ADAMTSL3: variants seen among roughly 807,000 people sequenced by gnomAD.
ADAMTSL3 encodes ADAMTS like 3, also known as ADAMTS-like protein 3.
ADAMTSL3 carries 128 observed loss-of-function variants against 201.7 expected under a neutral mutation model. The ratio of observed to expected loss-of-function variants is 0.63; its 90% CI spans 0.55 to 0.73. The LOEUF (loss-of-function observed/expected upper bound fraction) is 0.73, where lower values mean the gene tolerates loss of function less well. Among genes scored for constraint, ADAMTSL3 ranks in the 30% least tolerant of loss-of-function variants. The pLI is 0.00. For missense variants in ADAMTSL3, 1,990 were observed against 2,119.6 expected (o/e 0.94, Z 1.20); for synonymous variants, 738 against 748.4 (o/e 0.99, Z 0.23).
At chr15:83,759,356 G>A (rs1315779091) in intron 3 of ADAMTSL3, among the ~76,000 whole-genome samples, 1 of 151,942 alleles carries the variant, frequency 6.6e-6, no homozygotes, top group Non-Finnish European at 1.5e-5. Context: ...CTCCCGAGTA[G>A]CTGGGACTAC....
At chr15:83,750,209 A>G (rs1294038545) in intron 3 of ADAMTSL3, among the ~76,000 whole-genome samples, 1 of 152,212 alleles carries the variant, frequency 6.6e-6, no homozygotes, top group Non-Finnish European at 1.5e-5. Context: ...TTAATCAATT[A>G]CAGTATATCT....
At chr15:83,956,615 G>A (rs773400591) in intron 19 of ADAMTSL3, among the ~76,000 whole-genome samples, 6 of 151,930 alleles carry the variant, frequency 3.9e-5, no homozygotes, top group Admixed American at 1.3e-4. Context: ...TATGCCCAGT[G>A]GATTCAAATT....
At chr15:83,820,832 T>C (rs1413971628) in intron 6 of ADAMTSL3, among the ~76,000 whole-genome samples, 1 of 152,146 alleles carries the variant, frequency 6.6e-6, no homozygotes, top group Non-Finnish European at 1.5e-5. Context: ...CCCAGCACTT[T>C]GGGAGGCCGA....
At chr15:83,910,246 A>C (rs2065907174) in intron 15 of ADAMTSL3, among the ~76,000 whole-genome samples, 1 of 152,078 alleles carries the variant, frequency 6.6e-6, no homozygotes, top group Non-Finnish European at 1.5e-5. Context: ...TTCCATGTGC[A>C]AAGACGTAGG....
intron 26 of ADAMTSL3, among the ~76,000 whole-genome samples, chr15:84,023,213 C>G (rs771693867): frequency 2.6e-5 from 4 of 152,216 alleles, no homozygotes; most frequent in Non-Finnish European, 5.9e-5. Flanking sequence ...GATTACAACA[C>G]AGACCCTAGC....
intron 23 of ADAMTSL3, among the ~76,000 whole-genome samples, chr15:83,992,547 C>T (rs2067600322): frequency 6.6e-6 from 1 of 152,228 alleles, no homozygotes. Context: ...AAAGTTTCTA[C>T]AGCCCTATAC....
chr15:84,016,126 G>T (rs981968902), intron 24 of ADAMTSL3, among the ~76,000 whole-genome samples: 3 of 151,974 alleles, frequency 2.0e-5, no homozygotes, highest in African/African-American at 7.3e-5. Context: ...TTTTCATCTT[G>T]CAATTTAGGC....
chr15:83,794,424 G>A (rs544299378), intron 4 of ADAMTSL3, among the ~76,000 whole-genome samples: 3 of 152,268 alleles, frequency 2.0e-5, no homozygotes, highest in African/African-American at 4.8e-5. Flanking sequence ...TTTAGTGGGT[G>A]AATCATTAAA....
Position 83,892,739 on chromosome 15 carries a change from A to AGACG in ADAMTSL3, c.1321_1324dup (p.Ser442ThrfsTer35). 6.2e-7 allele frequency: 1 copy of AGACG among 1,614,084 alleles called. No homozygotes were observed. The highest frequency in any genetic ancestry group is 1.3e-5 in the African/African-American group (1 of 75,048). Reference sequence around the variant, plus strand: ...CGTGTCCTGTGGAGGAGGGATTCAGAGACGGAGCTTTGTGTGTGTAGAGGA... The same window carrying AGACG: ...CGTGTCCTGTGGAGGAGGGATTCAGAGACGGACGGAGCTTTGTGTGTGTAGAGGA... On this transcript the variant is annotated frameshift_variant, in exon 13 of 30. Coordinates refer to ENST00000286744, the MANE Select transcript of ADAMTSL3 (RefSeq NM_207517.3). LOFTEE classifies it high-confidence loss of function.
intron 13 of ADAMTSL3, 47 bp from the exon 14 acceptor site, chr15:83,897,811 T>G: frequency 6.5e-7 from 1 of 1,533,442 alleles, no homozygotes; most frequent in Non-Finnish European, 8.8e-7. Flanking sequence ...AATGCCTTTG[T>G]GGTTCTCTTA....
intron 2 of ADAMTSL3, among the ~76,000 whole-genome samples, chr15:83,685,623 C>T (rs989178060): frequency 2.0e-5 from 3 of 152,106 alleles, no homozygotes; most frequent in African/African-American, 7.2e-5. Flanking sequence ...ATTTTATATC[C>T]TGTATGGCTC....
intron 2 of ADAMTSL3, among the ~76,000 whole-genome samples, chr15:83,687,857 A>G (rs2061558957): frequency 6.6e-6 from 1 of 151,632 alleles, no homozygotes; most frequent in Non-Finnish European, 1.5e-5. Flanking sequence ...AACTAAGAGT[A>G]TGTAAGGAGA....
intron 6 of ADAMTSL3, among the ~76,000 whole-genome samples, chr15:83,830,531 C>G (rs2064134228): frequency 6.6e-6 from 1 of 152,204 alleles, no homozygotes; most frequent in African/African-American, 2.4e-5. Flanking sequence ...AATCCACCCA[C>G]TTCATTTTGA....
chr15:84,023,864 C>G (rs922864167), intron 26 of ADAMTSL3, among the ~76,000 whole-genome samples: 2 of 152,164 alleles, frequency 1.3e-5, no homozygotes, highest in African/African-American at 4.8e-5. Flanking sequence ...CCTGTGGATA[C>G]CGTCTCAGAA....
At chr15:83,691,797 TA>T (rs2061612087) in intron 2 of ADAMTSL3, among the ~76,000 whole-genome samples, 1 of 152,114 alleles carries the variant, frequency 6.6e-6, no homozygotes, top group South Asian at 2.1e-4. Context: ...GTATTTTTAG[TA>T]GAGACGGGTT....
intron 6 of ADAMTSL3, among the ~76,000 whole-genome samples, chr15:83,825,507 C>G (rs898014468): frequency 6.6e-6 from 1 of 152,040 alleles, no homozygotes; most frequent in African/African-American, 2.4e-5. Flanking sequence ...TAGCTACTTG[C>G]TACTCAGGTA....
At chr15:83,875,495 A>G (rs1435008688) in intron 9 of ADAMTSL3, among the ~76,000 whole-genome samples, 1 of 152,212 alleles carries the variant, frequency 6.6e-6, no homozygotes, top group African/African-American at 2.4e-5. Context: ...TGATTCACGT[A>G]GAACAATCAG....
chr15:83,784,405 CT>C (rs554582966), intron 4 of ADAMTSL3, among the ~76,000 whole-genome samples: 97 of 152,300 alleles, frequency 6.4e-4, no homozygotes, highest in African/African-American at 2.1e-3. Flanking sequence ...TATGTACTCT[CT>C]TTTAATTCAG....
intron 2 of ADAMTSL3, among the ~76,000 whole-genome samples, chr15:83,696,529 A>G (rs961232160): frequency 1.3e-5 from 2 of 152,240 alleles, no homozygotes; most frequent in African/African-American, 2.4e-5. Flanking sequence ...CCTTTGCCCA[A>G]CCTGTTAAAA....
Sources: allele counts gnomAD v4.1 joint callset (sites outside exome capture counted in the v4.1 genomes callset), GRCh38; gene constraint gnomAD v4.1.1; transcripts MANE v1.5; gene names NCBI Gene and HGNC (gene_info 2026-07-23, HGNC 2026-07-21).